TECRL: variants seen among roughly 807,000 people sequenced by gnomAD.
TECRL encodes the protein trans-2,3-enoyl-CoA reductase like, also known as trans-2,3-enoyl-CoA reductase-like.
A neutral mutation model predicts 52.8 loss-of-function variants in TECRL; 63 were observed. The ratio of observed to expected loss-of-function variants is 1.19; its 90% CI spans 0.97 to 1.47. The LOEUF (loss-of-function observed/expected upper bound fraction) is 1.47. Among genes scored for constraint, TECRL ranks in the 40% most tolerant of loss-of-function variants. TECRL has a pLI of 0.00. For missense variants in TECRL, 482 were observed against 429.6 expected (o/e 1.12, Z -1.08); for synonymous variants, 164 against 141.9 (o/e 1.16, Z -1.10).
chr4:64,311,176 A>G (rs957584028), intron 5 of TECRL, among the ~76,000 whole-genome samples: 16 of 152,244 alleles, frequency 1.1e-4, no homozygotes, highest in African/African-American at 3.6e-4. Context: ...TAGGAAAAAC[A>G]AATAATTAAA....
intron 6 of TECRL, among the ~76,000 whole-genome samples, chr4:64,305,938 T>C (rs1724310955): frequency 6.6e-6 from 1 of 152,158 alleles, no homozygotes; most frequent in South Asian, 2.1e-4. Context: ...TATTGCTTAA[T>C]AAATGCTACT....
At chr4:64,283,609 C>A (rs2109930223) in intron 9 of TECRL, among the ~76,000 whole-genome samples, 1 of 152,090 alleles carries the variant, frequency 6.6e-6, no homozygotes, top group East Asian at 1.9e-4. Flanking sequence ...CAATTAAAAG[C>A]CAGTTGTGAA....
chr4:64,377,041 T>C (rs1458693067), intron 1 of TECRL, among the ~76,000 whole-genome samples: 2 of 152,046 alleles, frequency 1.3e-5, no homozygotes, highest in African/African-American at 4.8e-5. Context: ...TAATTTGATA[T>C]ATGCTTTTTT....
chr4:64,377,518 T>C (rs1722486454), intron 1 of TECRL, among the ~76,000 whole-genome samples: 2 of 152,056 alleles, frequency 1.3e-5, no homozygotes, highest in African/African-American at 2.4e-5. Flanking sequence ...TCCATAATTA[T>C]ACAGATGGGA....
At chr4:64,336,894 C>A (rs1719130847) in intron 2 of TECRL, among the ~76,000 whole-genome samples, 1 of 152,186 alleles carries the variant, frequency 6.6e-6, no homozygotes, top group South Asian at 2.1e-4. Context: ...AATTTCTGTT[C>A]TTTTACATTT....
intron 9 of TECRL, among the ~76,000 whole-genome samples, chr4:64,283,712 A>T (rs1722943228): frequency 6.6e-6 from 1 of 152,078 alleles, no homozygotes; most frequent in African/African-American, 2.4e-5. Context: ...AAAAGTAGTC[A>T]AACTCTAAAG....
intron 2 of TECRL, among the ~76,000 whole-genome samples, chr4:64,346,059 A>G (rs1719960934): frequency 6.6e-6 from 1 of 152,056 alleles, no homozygotes; most frequent in Non-Finnish European, 1.5e-5. Flanking sequence ...CTTACTTAAA[A>G]CATTCTTTCC....
At chr4:64,394,679 C>T (rs542532136) in intron 1 of TECRL, among the ~76,000 whole-genome samples, 1 of 152,182 alleles carries the variant, frequency 6.6e-6, no homozygotes, top group Non-Finnish European at 1.5e-5. Context: ...TCCTTAACCA[C>T]TATACTACAC....
intron 7 of TECRL, among the ~76,000 whole-genome samples, chr4:64,302,899 C>T (rs572306309): frequency 6.6e-6 from 1 of 151,196 alleles, no homozygotes; most frequent in African/African-American, 2.4e-5. Flanking sequence ...CATAGTTGCT[C>T]TTTAATTATT....
intron 1 of TECRL, among the ~76,000 whole-genome samples, chr4:64,396,199 T>C (rs182762675): frequency 1.3e-5 from 2 of 152,262 alleles, no homozygotes; most frequent in African/African-American, 4.8e-5. Flanking sequence ...GAATGGAATT[T>C]CTGGGCTGAA....
intron 2 of TECRL, among the ~76,000 whole-genome samples, chr4:64,342,785 TA>T (rs1359854387): frequency 1.3e-5 from 2 of 152,098 alleles, no homozygotes; most frequent in African/African-American, 4.8e-5. Context: ...AAGAACTCAT[TA>T]AATATACTAT....
intron 7 of TECRL, among the ~76,000 whole-genome samples, chr4:64,304,201 G>A (rs1008136027): frequency 6.6e-6 from 1 of 151,798 alleles, no homozygotes; most frequent in African/African-American, 2.4e-5. Context: ...TGCTAACGTT[G>A]TAAAGGTAAT....
chr4:64,342,249 T>C (rs1719632513), intron 2 of TECRL, among the ~76,000 whole-genome samples: 2 of 152,194 alleles, frequency 1.3e-5, no homozygotes, highest in African/African-American at 4.8e-5. Flanking sequence ...TTAGTGTACA[T>C]TTCTCATTAC....
chr4:64,320,780 C>G (rs1717846089), intron 4 of TECRL, among the ~76,000 whole-genome samples: 1 of 152,022 alleles, frequency 6.6e-6, no homozygotes, highest in Admixed American at 6.6e-5. Context: ...TTTCTAAAAT[C>G]TCTTTAAGCA....
chr4:64,303,240 GAAA>G (rs5858873), intron 7 of TECRL, among the ~76,000 whole-genome samples: 1 of 150,934 alleles, frequency 6.6e-6, no homozygotes, highest in African/African-American at 2.4e-5. Flanking sequence ...AAATTTTACA[GAAA>G]AAAAACAATA....
At chr4:64,344,816 C>T (rs1177653951) in intron 2 of TECRL, among the ~76,000 whole-genome samples, 1 of 152,120 alleles carries the variant, frequency 6.6e-6, no homozygotes. Context: ...GTTTGTTTGT[C>T]TGTTTTTGTT....
chr4:64,316,648 A>C (rs1717512578), intron 4 of TECRL, among the ~76,000 whole-genome samples: 2 of 152,158 alleles, frequency 1.3e-5, no homozygotes, highest in South Asian at 4.1e-4. Context: ...AAAACCAAAT[A>C]CAATCAAGTA....
At chr4:64,318,675 G>C (rs531803612) in intron 4 of TECRL, among the ~76,000 whole-genome samples, 1 of 151,904 alleles carries the variant, frequency 6.6e-6, no homozygotes, top group Non-Finnish European at 1.5e-5. Flanking sequence ...AAAATATTGT[G>C]AAGTCAAGAA....
intron 4 of TECRL, among the ~76,000 whole-genome samples, chr4:64,315,254 C>T (rs1434352614): frequency 1.3e-5 from 2 of 152,056 alleles, no homozygotes; most frequent in African/African-American, 4.8e-5. Context: ...TCAGTTTTCT[C>T]TATTAGAAAT....
Sources: allele counts gnomAD v4.1 joint callset (sites outside exome capture counted in the v4.1 genomes callset), GRCh38; gene constraint gnomAD v4.1.1; transcripts MANE v1.5; gene names NCBI Gene and HGNC (gene_info 2026-07-23, HGNC 2026-07-21).